Variants in AIF1L observed in about 807,000 individuals in gnomAD.
AIF1L encodes allograft inflammatory factor 1 like.
A neutral mutation model predicts 20.7 loss-of-function variants in AIF1L; 12 were observed. That is an observed-to-expected ratio of 0.58 (90% CI 0.37 to 0.94). AIF1L has a LOEUF of 0.94. Ranked by LOEUF, AIF1L falls within the 40% of genes least tolerant of loss-of-function variation. The pLI is 0.01. For synonymous variants in AIF1L, 76 were observed against 65.1 expected, an observed-to-expected ratio of 1.17 and a Z score of -0.81; for missense variants, 173 against 185.3, an observed-to-expected ratio of 0.93 and a Z score of 0.39.
chr9:131,119,584 G>T (rs147571167), intron 5 of AIF1L, among the ~76,000 whole-genome samples: 1 of 151,578 alleles, frequency 6.6e-6, no homozygotes, highest in Non-Finnish European at 1.5e-5. Context: ...TTTAAAGTAC[G>T]AATGTAAAAT....
At chr9:131,119,506 GAAAAAAAA>G (rs10612336) in intron 5 of AIF1L, among the ~76,000 whole-genome samples, 4 of 140,490 alleles carry the variant, frequency 2.8e-5, no homozygotes, top group African/African-American at 1.1e-4. Flanking sequence ...TGTCTCAAAA[GAAAAAAAA>G]AAAAAAAAAG....
chr9:131,113,359 G>A (rs1239239464), intron 3 of AIF1L, among the ~76,000 whole-genome samples: 1 of 151,922 alleles, frequency 6.6e-6, no homozygotes, highest in Admixed American at 6.6e-5. Context: ...TTAGCTGTAT[G>A]TGGTGGTGGG....
chr9:131,108,275 C>T (rs11244286), intron 2 of AIF1L: 34,711 of 149,600 alleles, frequency 0.23, 4,490 homozygotes, highest in African/African-American at 0.33. Flanking sequence ...TCTCGGCTCC[C>T]GGCAACCTCC....
At chr9:131,112,360 G>C (rs1564167603) in intron 3 of AIF1L, 1 of 152,384 alleles carries the variant, frequency 6.6e-6, no homozygotes, top group East Asian at 1.9e-4. Flanking sequence ...CCCCTCCAAA[G>C]TGTTTGCAGT....
chr9:131,105,608 G>C (rs1258992312), intron 2 of AIF1L, among the ~76,000 whole-genome samples: 1 of 152,124 alleles, frequency 6.6e-6, no homozygotes, highest in Non-Finnish European at 1.5e-5. Flanking sequence ...GCCTCTCAAA[G>C]TGCTGGGATT....
At chr9:131,103,059 G>A (rs1423176715) in intron 2 of AIF1L, 1 of 451,272 alleles carries the variant, frequency 2.2e-6, no homozygotes, top group Non-Finnish European at 4.5e-6. Context: ...GACAGGCACG[G>A]CAGGGGCTGC....
At chr9:131,111,364 C>T (rs746347837) in intron 2 of AIF1L, 4 of 481,282 alleles carry the variant, frequency 8.3e-6, no homozygotes, top group African/African-American at 1.9e-5. Context: ...CTTAGTCACC[C>T]GTAGTGAACC....
intron 2 of AIF1L, among the ~76,000 whole-genome samples, chr9:131,104,519 G>A (rs916488815): frequency 1.3e-5 from 2 of 152,100 alleles, no homozygotes; most frequent in African/African-American, 4.8e-5. Context: ...GCTAAAACTT[G>A]GCAATCCTGA....
At chr9:131,119,924 G>T (rs1054557813) in intron 5 of AIF1L, among the ~76,000 whole-genome samples, 5 of 152,160 alleles carry the variant, frequency 3.3e-5, no homozygotes, top group Non-Finnish European at 5.9e-5. Context: ...CAGGCAGTGT[G>T]GTTAAGGGAA....
Position 131,111,584 on chromosome 9 carries a change from C to A in AIF1L, c.94-13C>A. The A allele has an allele frequency of 6.2e-7, 1 of 1,612,914 alleles. No homozygotes were observed. Among genetic ancestry groups the A allele is most frequent in the Non-Finnish European group, 8.5e-7 (1 of 1,179,058 alleles). On this transcript the variant is annotated splice_polypyrimidine_tract_variant and intron_variant, in intron 2 of 5. Coordinates refer to ENST00000247291, the MANE Select transcript of AIF1L (RefSeq NM_031426.4). ...CCAGTCCCTTGCTCAGCACTGTCCT[C>A]TCACCTCTGTAGGAGTTTCTGTGTG...
intron 2 of AIF1L, among the ~76,000 whole-genome samples, chr9:131,108,942 T>A (rs1484380788): frequency 6.6e-6 from 1 of 152,158 alleles, no homozygotes; most frequent in African/African-American, 2.4e-5. Context: ...TGAAGCCTCT[T>A]AGGAGTTTGC....
In AIF1L at chr9:131,117,897, A is replaced by T; in HGVS notation, c.344A>T (p.Lys115Ile). Residue 115 changes from lysine (K) to isoleucine (I), a missense_variant, in exon 5 of 6, where the codon AAA (lysine) becomes ATA (isoleucine). Transcript: ENST00000247291. ...GACTTTGTGAACATGATGCTGGGGA[A>T]ACGGTCGGCTGTCCTCAAGTTGTGA... is the stretch of plus-strand genomic sequence containing the variant. Reference protein sequence around the residue: ...YRDFVNMMLGKRSAVLKLVMM... With the variant: ...YRDFVNMMLGIRSAVLKLVMM... 1 of 1,611,648 alleles carries T rather than the reference A, an allele frequency of 6.2e-7. No individual in the cohort carries two copies. The highest frequency in any genetic ancestry group is 8.5e-7 in the Non-Finnish European group (1 of 1,178,992).
At position 131,121,201 on chromosome 9, in the gene AIF1L, C is replaced by T. The variant is rs1175314055; in HGVS notation, c.*879C>T. 7.2e-6 allele frequency: 5 copies of T among 689,860 alleles called. No homozygotes were observed. The highest frequency in any genetic ancestry group is 1.1e-5 in the Non-Finnish European group (4 of 371,032). The allele number at this position is 689,860 out of a possible 1,614,324, so 42.7% of individuals were successfully genotyped here. A position where few individuals can be genotyped will look rare whatever the true frequency, so the allele number is the denominator to read the frequency against. On this transcript the variant is annotated 3_prime_UTR_variant, in exon 6 of 6. Transcript: ENST00000247291. ...ACTGGTAAGCCAAGACTGAGAAATACAAGGTTGCTTGTCTGACCCCAATCT... is the reference window on the plus strand; with the variant it reads ...ACTGGTAAGCCAAGACTGAGAAATATAAGGTTGCTTGTCTGACCCCAATCT...
chr9:131,111,958 C>A (rs58472679), intron 3 of AIF1L: 4 of 443,170 alleles, frequency 9.0e-6, no homozygotes, highest in African/African-American at 4.0e-5. Context: ...TCCCGTCCGC[C>A]GCTGCCCAGG....
Position 131,121,196 on chromosome 9 carries a change from A to T in AIF1L, c.*874A>T. 1.4e-6 allele frequency: 1 copy of T among 695,140 alleles called. No individual in the cohort carries two copies. Among genetic ancestry groups the T allele is most frequent in the Non-Finnish European group, 2.7e-6 (1 of 373,760 alleles). 43.1% of individuals were successfully genotyped at this position (695,140 alleles called of 1,614,324 possible). A position where few individuals can be genotyped will look rare whatever the true frequency, so the allele number is the denominator to read the frequency against. ...GCAGCACTGGTAAGCCAAGACTGAGAAATACAAGGTTGCTTGTCTGACCCC... is the reference window on the plus strand; with the variant it reads ...GCAGCACTGGTAAGCCAAGACTGAGTAATACAAGGTTGCTTGTCTGACCCC... On this transcript the variant is annotated 3_prime_UTR_variant, in exon 6 of 6. Coordinates refer to ENST00000247291, the MANE Select transcript of AIF1L (RefSeq NM_031426.4).
At chr9:131,098,852 G>A (rs550669776) in intron 2 of AIF1L, among the ~76,000 whole-genome samples, 2 of 152,290 alleles carry the variant, frequency 1.3e-5, no homozygotes, top group South Asian at 4.1e-4. Context: ...GCAGCCCAGC[G>A]TCCTTCCCCT....
intron 2 of AIF1L, among the ~76,000 whole-genome samples, chr9:131,100,408 A>G (rs1830611529): frequency 6.6e-6 from 1 of 152,190 alleles, no homozygotes; most frequent in Non-Finnish European, 1.5e-5. Flanking sequence ...TATCTTGCGA[A>G]TGCTCTCTCT....
At chr9:131,103,490 G>T (rs1830681408) in intron 2 of AIF1L, among the ~76,000 whole-genome samples, 1 of 152,196 alleles carries the variant, frequency 6.6e-6, no homozygotes, top group Non-Finnish European at 1.5e-5. Context: ...TGTACTAGGA[G>T]CCAGGCTCCT....
chr9:131,096,852 G>A lies in AIF1L; in HGVS notation c.82G>A (p.Glu28Lys). The A allele has an allele frequency of 6.5e-7, 1 of 1,536,746 alleles. No individual in the cohort carries two copies. The highest frequency in any genetic ancestry group is 8.8e-7 in the Non-Finnish European group (1 of 1,142,550). Residue 28 changes from glutamate to lysine, a missense_variant, in exon 2 of 6, where the codon GAG (glutamate) becomes AAG (lysine). Physicochemically the swap from Glu to Lys is moderately conservative, Grantham distance 56. Coordinates refer to ENST00000247291, the MANE Select transcript of AIF1L (RefSeq NM_031426.4). ...AGCCCGGCAGGAGAGGAGGCTGGCC[G>A]AGATCAACCGGGTAAGCCCCGCGCC... ...LKARQERRLA[E>K]INREFLCDQK... is the part of the protein sequence containing the mutation.
Sources: gnomAD v4.1 joint callset for allele counts (sites outside exome capture counted in the v4.1 genomes callset) on GRCh38, gnomAD v4.1.1 for gene constraint, MANE v1.5 for transcripts, NCBI Gene and HGNC (gene_info 2026-07-23, HGNC 2026-07-21) for gene names.